The following BICC1 variants were observed in gnomAD, a reference collection of about 807,000 sequenced individuals.
BICC1 encodes protein bicaudal C homolog 1.
A neutral mutation model predicts 111.0 loss-of-function variants in BICC1; 43 were observed. The observed-to-expected ratio is 0.39, with a 90% CI of 0.30 to 0.50. The LOEUF (loss-of-function observed/expected upper bound fraction) is 0.50, where lower values mean the gene tolerates loss of function less well. BICC1 is among the 20% of genes least tolerant of loss of function. The probability of loss-of-function intolerance (pLI) is 0.88; values close to 1 mark genes in which losing one functional copy is unlikely to be tolerated. For missense variants in BICC1, 1,091 were observed against 1,203.2 expected (o/e 0.91, Z 1.38); for synonymous variants, 467 against 434.4 (o/e 1.07, Z -0.93).
At chr10:58,618,400 G>A (rs1407123626) in intron 1 of BICC1, among the ~76,000 whole-genome samples, 2 of 152,326 alleles carry the variant, frequency 1.3e-5, no homozygotes, top group Non-Finnish European at 2.9e-5. Context: ...ATGTGAGGTC[G>A]TGCTTGGCTT....
At chr10:58,560,069 T>A (rs1460312777) in intron 1 of BICC1, among the ~76,000 whole-genome samples, 1 of 151,972 alleles carries the variant, frequency 6.6e-6, no homozygotes, top group Non-Finnish European at 1.5e-5. Flanking sequence ...ATTAGGGTAA[T>A]GCTGGCCTCA....
At chr10:58,691,772 C>T (rs1336678205) in intron 2 of BICC1, among the ~76,000 whole-genome samples, 1 of 152,192 alleles carries the variant, frequency 6.6e-6, no homozygotes, top group Non-Finnish European at 1.5e-5. Flanking sequence ...TCACTGCACT[C>T]ACCCCACTAC....
chr10:58,630,609 A>G (rs530749282), intron 2 of BICC1, among the ~76,000 whole-genome samples: 1 of 152,200 alleles, frequency 6.6e-6, no homozygotes, highest in African/African-American at 2.4e-5. Flanking sequence ...GTTCTGATCT[A>G]TAGGTGTCCC....
chr10:58,787,121 A>G (rs778832644), intron 5 of BICC1, 40 bp downstream of exon 5: 2 of 1,492,680 alleles, frequency 1.3e-6, no homozygotes, highest in South Asian at 1.4e-5. Context: ...GGGATGAATT[A>G]CAGCCTTAAT....
At chr10:58,669,879 A>G (rs1322714012) in intron 2 of BICC1, among the ~76,000 whole-genome samples, 3 of 152,198 alleles carry the variant, frequency 2.0e-5, no homozygotes, top group Non-Finnish European at 4.4e-5. Flanking sequence ...TTCAAACGGC[A>G]TTAAAATTCT....
intron 1 of BICC1, among the ~76,000 whole-genome samples, chr10:58,524,713 G>T (rs1251656185): frequency 1.3e-5 from 2 of 151,708 alleles, no homozygotes; most frequent in Admixed American, 6.6e-5. Context: ...TGACAAATGG[G>T]ATCTAATTAA....
At chr10:58,788,650 A>G (rs552699593) in intron 6 of BICC1, among the ~76,000 whole-genome samples, 6 of 152,276 alleles carry the variant, frequency 3.9e-5, no homozygotes, top group African/African-American at 9.6e-5. Flanking sequence ...TTCACTGAAA[A>G]TGTTTCTCAG....
intron 3 of BICC1, among the ~76,000 whole-genome samples, chr10:58,780,201 T>C (rs1391354094): frequency 1.3e-5 from 2 of 152,230 alleles, no homozygotes; most frequent in African/African-American, 2.4e-5. Context: ...TGTCCACTCA[T>C]CTGTTTGACA....
intron 20 of BICC1, among the ~76,000 whole-genome samples, chr10:58,822,458 T>TA (rs1000785766): frequency 6.2e-4 from 94 of 152,208 alleles, no homozygotes; most frequent in African/African-American, 2.1e-3. Context: ...CTCTCTATTT[T>TA]AAAAAAATAA....
rs529128740 is a variant in BICC1 at position 58,624,661 on chromosome 10, T to C, written c.237+3760T>C. 2.6e-5 allele frequency among the ~76,000 whole-genome samples: 4 copies of C among 152,344 alleles called. No individual in the cohort carries two copies. The South Asian group carries it at 8.3e-4, about 32-fold the overall frequency. On this transcript the variant is annotated intron_variant, in intron 2 of 20. Transcript: ENST00000373886. ...CAGGCTGGAGTACACTGGCGTGATC[T>C]CAGCTCACTGTAACCCCTGCCTCCC...
chr10:58,821,994 C>G (rs1046936929), intron 20 of BICC1, among the ~76,000 whole-genome samples: 2 of 152,098 alleles, frequency 1.3e-5, no homozygotes, highest in African/African-American at 4.8e-5. Context: ...TTTTTACCAT[C>G]TATGATAATA....
At chr10:58,650,319 G>C (rs972330682) in intron 2 of BICC1, 4 of 152,144 alleles carry the variant, frequency 2.6e-5, no homozygotes, top group Middle Eastern at 6.3e-3. Context: ...CTGGTTATGA[G>C]AGTGGAGTGT....
chr10:58,764,426 A>G (rs764617591), intron 3 of BICC1, among the ~76,000 whole-genome samples: 110 of 152,176 alleles, frequency 7.2e-4, no homozygotes, highest in Non-Finnish European at 1.3e-3. Context: ...AAAGATACAT[A>G]TCAAGGAAAG....
chr10:58,823,210 C>T (rs1844302626), intron 20 of BICC1: 2 of 984,922 alleles, frequency 2.0e-6, no homozygotes, highest in South Asian at 4.7e-5. Flanking sequence ...TAACATTTCC[C>T]GACCTATTCT....
chr10:58,737,350 T>A (rs1030797697), intron 3 of BICC1, among the ~76,000 whole-genome samples: 2 of 152,148 alleles, frequency 1.3e-5, no homozygotes, highest in Admixed American at 1.3e-4. Context: ...CATGCGGTGT[T>A]TGGTTTTTTG....
At chr10:58,799,000 T>C (rs936137983) in intron 11 of BICC1, 56 bp from the exon 12 acceptor site, 49 of 1,288,518 alleles carry the variant, frequency 3.8e-5, no homozygotes, top group Non-Finnish European at 5.1e-5. Flanking sequence ...TTAATAAAAA[T>C]AATAGTTGAA....
chr10:58,715,817 C>CA (rs1218552527), intron 3 of BICC1: 66 of 1,294,076 alleles, frequency 5.1e-5, no homozygotes, highest in African/African-American at 1.2e-4. Context: ...AGAGCTCATC[C>CA]AAAAAAAAGA....
intron 3 of BICC1, among the ~76,000 whole-genome samples, chr10:58,723,390 A>T (rs2132530240): frequency 6.6e-6 from 1 of 152,282 alleles, no homozygotes; most frequent in African/African-American, 2.4e-5. Context: ...AAATGCATGG[A>T]AAAAAATTAA....
intron 3 of BICC1, among the ~76,000 whole-genome samples, chr10:58,778,347 G>A (rs958268849): frequency 3.3e-5 from 5 of 152,040 alleles, no homozygotes; most frequent in Non-Finnish European, 7.4e-5. Flanking sequence ...AAAAATACAC[G>A]CATAATTTTT....
Sources: gnomAD v4.1 joint callset for allele counts (sites outside exome capture counted in the v4.1 genomes callset) on GRCh38, gnomAD v4.1.1 for gene constraint, MANE v1.5 for transcripts, NCBI Gene and HGNC (gene_info 2026-07-23, HGNC 2026-07-21) for gene names.